MIPOL1: variants seen among roughly 807,000 people sequenced by gnomAD.
MIPOL1 encodes the protein mirror-image polydactyly 1.
MIPOL1 carries 57 observed loss-of-function variants against 60.9 expected under a neutral mutation model. The ratio of observed to expected loss-of-function variants is 0.94; its 90% CI spans 0.76 to 1.17. The LOEUF (loss-of-function observed/expected upper bound fraction) is 1.17, where lower values mean the gene tolerates loss of function less well. MIPOL1 is among the 50% of genes most tolerant of loss of function. The pLI is 0.00. For synonymous variants in MIPOL1, 179 were observed against 168.8 expected (o/e 1.06, Z -0.47); for missense variants, 551 against 511.6 (o/e 1.08, Z -0.74).
At chr14:37,341,567 A>G (rs1412869578) in intron 9 of MIPOL1, among the ~76,000 whole-genome samples, 1 of 152,186 alleles carries the variant, frequency 6.6e-6, no homozygotes, top group East Asian at 1.9e-4. Context: ...TTACTTAAAA[A>G]ATATCTGTAT....
At chr14:37,359,509 C>G (rs12878937) in intron 9 of MIPOL1, among the ~76,000 whole-genome samples, 147,357 of 152,120 alleles carry the variant, frequency 0.97, 71,449 homozygotes, top group East Asian at 1. Context: ...CTTTTATTTC[C>G]TTGAGCAGTG....
intron 6 of MIPOL1, chr14:37,277,614 C>T (rs1464837299): frequency 6.6e-6 from 1 of 151,256 alleles, no homozygotes; most frequent in African/African-American, 2.4e-5. Flanking sequence ...CTGAAACATA[C>T]TATTTTGCAT....
chr14:37,537,146 C>A (rs764409434), intron 12 of MIPOL1, among the ~76,000 whole-genome samples: 2 of 152,176 alleles, frequency 1.3e-5, no homozygotes, highest in African/African-American at 4.8e-5. Context: ...TACCTGAACA[C>A]GGTGGATGAA....
intron 11 of MIPOL1, among the ~76,000 whole-genome samples, chr14:37,486,042 C>T (rs2094940803): frequency 6.6e-6 from 1 of 152,138 alleles, no homozygotes; most frequent in Admixed American, 6.5e-5. Context: ...TTTTAGTTTT[C>T]TTCATATGGC....
chr14:37,458,147 A>G (rs2094498273), intron 11 of MIPOL1, among the ~76,000 whole-genome samples: 1 of 152,192 alleles, frequency 6.6e-6, no homozygotes, highest in Non-Finnish European at 1.5e-5. Flanking sequence ...TCCTAAATAT[A>G]TATGCACCCA....
At chr14:37,272,597 C>A (rs2083376259) in intron 6 of MIPOL1, among the ~76,000 whole-genome samples, 3 of 151,494 alleles carry the variant, frequency 2.0e-5, no homozygotes, top group Admixed American at 2.0e-4. Flanking sequence ...ACAACAAAAA[C>A]TACCTTGTCA....
intron 10 of MIPOL1, among the ~76,000 whole-genome samples, chr14:37,383,722 T>C (rs1163213223): frequency 1.3e-5 from 2 of 151,996 alleles, no homozygotes; most frequent in East Asian, 3.9e-4. Flanking sequence ...TAATATCATT[T>C]GTTTTAATAA....
intron 9 of MIPOL1, 95 bp downstream of exon 9, chr14:37,308,614 T>C: frequency 1.2e-6 from 1 of 854,470 alleles, no homozygotes; most frequent in Non-Finnish European, 1.7e-6. Context: ...ATATTCTTAA[T>C]TCACATTAAT....
chr14:37,228,700 C>G (rs905527309), intron 1 of MIPOL1, among the ~76,000 whole-genome samples: 1 of 152,130 alleles, frequency 6.6e-6, no homozygotes, highest in African/African-American at 2.4e-5. Flanking sequence ...GGTTAAAGGT[C>G]TGAAACAATA....
intron 11 of MIPOL1, among the ~76,000 whole-genome samples, chr14:37,427,747 TA>T (rs2093989796): frequency 6.6e-6 from 1 of 152,196 alleles, no homozygotes; most frequent in African/African-American, 2.4e-5. Flanking sequence ...AAGTCTACTT[TA>T]ATTTGATTTA....
At chr14:37,481,176 G>T (rs554720781) in intron 11 of MIPOL1, among the ~76,000 whole-genome samples, 2 of 152,110 alleles carry the variant, frequency 1.3e-5, no homozygotes, top group East Asian at 3.9e-4. Flanking sequence ...CAGTAAAGTT[G>T]TAGGATACAA....
intron 7 of MIPOL1, among the ~76,000 whole-genome samples, chr14:37,291,439 G>C (rs888725666): frequency 7.2e-5 from 3 of 41,726 alleles, no homozygotes; most frequent in South Asian, 1.3e-3. Context: ...ATTAATGTAT[G>C]TAATGTTATT....
chr14:37,402,617 C>T (rs2093506345), intron 10 of MIPOL1, among the ~76,000 whole-genome samples: 2 of 152,266 alleles, frequency 1.3e-5, no homozygotes, highest in South Asian at 4.1e-4. Context: ...CTATTGAAAG[C>T]AGTTCTGAAT....
chr14:37,416,400 G>A (rs929157535), intron 10 of MIPOL1, among the ~76,000 whole-genome samples: 9 of 152,042 alleles, frequency 5.9e-5, no homozygotes, highest in African/African-American at 2.2e-4. Flanking sequence ...GCATAATAGA[G>A]TGTATTTACA....
chr14:37,277,593 T>TAACAG (rs1346047664), intron 6 of MIPOL1: 127 of 151,514 alleles, frequency 8.4e-4, no homozygotes, highest in African/African-American at 3.0e-3. Context: ...TTTTGATTCA[T>TAACAG]TGTCTTGCTA....
At chr14:37,455,860 A>T (rs2094471370) in intron 11 of MIPOL1, among the ~76,000 whole-genome samples, 1 of 152,022 alleles carries the variant, frequency 6.6e-6, no homozygotes. Flanking sequence ...CGTGATTTTA[A>T]TTTTTTAAAT....
chr14:37,509,107 A>G (rs1174845425), intron 12 of MIPOL1, among the ~76,000 whole-genome samples: 1 of 151,962 alleles, frequency 6.6e-6, no homozygotes, highest in Non-Finnish European at 1.5e-5. Context: ...CGGGAATGTC[A>G]TCTATTTCCT....
Position 37,267,005 on chromosome 14 carries a change from A to T in MIPOL1, c.87A>T (p.Gln29His), listed in dbSNP as rs779062031. ...ATAAAAGTACGCAGCCAGATGAGCA[A>T]CTGACTATGAATTCTGAGAAAAGTA... ...GINKSTQPDE[Q>H]LTMNSEKSMH... Residue 29 changes from glutamine to histidine, a missense_variant, in exon 4 of 13, where the codon CAA (glutamine) becomes CAT (histidine). Physicochemically the swap from Gln to His is conservative, Grantham distance 24. Transcript: ENST00000684589. 26 of 1,613,792 alleles carry T rather than the reference A, an allele frequency of 1.6e-5. No individual in the cohort carries two copies. The Middle Eastern group carries it at 1.2e-3, about 71-fold the overall frequency.
At chr14:37,204,107 C>T (rs1344019425) in intron 1 of MIPOL1, among the ~76,000 whole-genome samples, 6 of 127,716 alleles carry the variant, frequency 4.7e-5, no homozygotes, top group Non-Finnish European at 6.8e-5. Flanking sequence ...ATCCTGCCAA[C>T]GACCACCGAG....
Sources: gnomAD v4.1 joint callset for allele counts (sites outside exome capture counted in the v4.1 genomes callset) on GRCh38, gnomAD v4.1.1 for gene constraint, MANE v1.5 for transcripts, NCBI Gene and HGNC (gene_info 2026-07-23, HGNC 2026-07-21) for gene names.